BAZ2B: variants seen among roughly 807,000 people sequenced by gnomAD.
BAZ2B encodes bromodomain adjacent to zinc finger domain 2B.
In BAZ2B, 91 loss-of-function variants were observed where a neutral mutation model predicts 246.0. The observed-to-expected ratio is 0.37, with a 90% CI of 0.31 to 0.44. BAZ2B has a LOEUF of 0.44. Among genes scored for constraint, BAZ2B ranks in the 20% least tolerant of loss-of-function variants. BAZ2B has a pLI of 1.00. For missense variants in BAZ2B, 2,332 were observed against 2,533.7 expected, an observed-to-expected ratio of 0.92 and a Z score of 1.71; for synonymous variants, 855 against 860.0, an observed-to-expected ratio of 0.99 and a Z score of 0.10.
chr2:159,372,519 A>G (rs2060961457), intron 27 of BAZ2B, among the ~76,000 whole-genome samples: 2 of 152,224 alleles, frequency 1.3e-5, no homozygotes. Context: ...AAAGAAATCT[A>G]AAGGTAGAAT....
rs188125017 is a variant in BAZ2B, at chr2:159,588,955, G to A, written c.-46+27287C>T. On this transcript the variant is annotated intron_variant, in intron 1 of 36. Coordinates refer to ENST00000392783, the MANE Select transcript of BAZ2B (RefSeq NM_013450.4). ...TAAGCAAAAAGACTAAAGGCAGGCT[G>A]AAGCAGTAAGGACGAGAAAGAAAAT... 3.9e-3 allele frequency among the ~76,000 whole-genome samples: 590 copies of A among 152,258 alleles called. 1 individual carries two copies. Among genetic ancestry groups the A allele is most frequent in the African/African-American group, 0.014 (562 of 41,516 alleles).
chr2:159,670,063 C>A, the BAZ2B span, among the ~76,000 whole-genome samples: 1 of 151,954 alleles, frequency 6.6e-6, no homozygotes, highest in Non-Finnish European at 1.5e-5. Flanking sequence ...CTCCGCCTCC[C>A]GGGTTCAAGT....
chr2:159,438,660 A>G lies in BAZ2B; in HGVS notation c.936T>C (p.Asp312=), dbSNP rs2072848641. The G allele has an allele frequency of 6.2e-7, 1 of 1,611,638 alleles. No individual in the cohort carries two copies. The highest frequency in any genetic ancestry group is 8.5e-7 in the Non-Finnish European group (1 of 1,179,490). Residue 312 remains aspartate (D), a synonymous_variant, in exon 8 of 37, where the codon GAT becomes GAC. Coordinates refer to ENST00000392783, the MANE Select transcript of BAZ2B (RefSeq NM_013450.4). Reference sequence around the variant, plus strand: ...GGGCTTTTTCAGTTGCTTTCTGTCCATCTGCTTTTGGGTCTGAAATACCAT... The same window carrying G: ...GGGCTTTTTCAGTTGCTTTCTGTCCGTCTGCTTTTGGGTCTGAAATACCAT... ...LLHGISDPKA[D]GQKATEKAQE... is the part of the protein sequence containing the mutation.
chr2:159,342,155 A>C (rs1314151291), intron 31 of BAZ2B, among the ~76,000 whole-genome samples: 3 of 152,204 alleles, frequency 2.0e-5, no homozygotes, highest in African/African-American at 7.2e-5. Context: ...ATTGCATCAC[A>C]CTGCTCAAAG....
intron 13 of BAZ2B, among the ~76,000 whole-genome samples, chr2:159,418,275 C>A (rs922868271): frequency 2.4e-4 from 36 of 152,222 alleles, no homozygotes; most frequent in African/African-American, 8.4e-4. Flanking sequence ...TTCAGAAATT[C>A]AAAAGAGATC....
intron 2 of BAZ2B, among the ~76,000 whole-genome samples, chr2:159,478,978 C>G (rs539769965): frequency 6.6e-6 from 1 of 152,154 alleles, no homozygotes; most frequent in South Asian, 2.1e-4. Context: ...AGTAATTTCA[C>G]ACAAAATGTG....
chr2:159,627,410 A>C, the BAZ2B span, among the ~76,000 whole-genome samples: 1 of 152,260 alleles, frequency 6.6e-6, no homozygotes, highest in Non-Finnish European at 1.5e-5. Context: ...ATCAATGTGA[A>C]AATTCTCAAT....
chr2:159,637,811 C>T, the BAZ2B span, among the ~76,000 whole-genome samples: 2 of 152,218 alleles, frequency 1.3e-5, no homozygotes, highest in African/African-American at 2.4e-5. Context: ...ATCCATCTAC[C>T]TCAGCCTCCC....
rs755641948 is a variant in BAZ2B at position 159,438,478 on chromosome 2, C to G, written c.1118G>C (p.Ser373Thr). Residue 373 changes from serine (S) to threonine (T), a missense_variant, in exon 8 of 37, where the codon AGT becomes ACT. Physicochemically the swap from Ser to Thr is moderately conservative, Grantham distance 58. Around this residue, in one of 9 missense-constraint regions of BAZ2B, gnomAD observed 161 missense variants for 225.8 expected, o/e 0.71. Coordinates refer to ENST00000392783, the MANE Select transcript of BAZ2B (RefSeq NM_013450.4). Reference sequence around the variant, plus strand: ...CACCAATCCCGTAGACTGTATTACACTGGTGTGTTTGTTCACAGATTCCTC... The same window carrying G: ...CACCAATCCCGTAGACTGTATTACAGTGGTGTGTTTGTTCACAGATTCCTC... ...AKEESVNKHT[S>T]VIQSTGLVSN... is the part of the protein sequence containing the mutation. 6.2e-7 allele frequency: 1 copy of G among 1,614,066 alleles called. No homozygotes were observed. Among genetic ancestry groups the G allele is most frequent in the Non-Finnish European group, 8.5e-7 (1 of 1,180,032 alleles).
chr2:159,700,774 TC>T, the BAZ2B span, among the ~76,000 whole-genome samples: 18 of 152,172 alleles, frequency 1.2e-4, no homozygotes, highest in Non-Finnish European at 2.2e-4. Flanking sequence ...TGTTTTTTTT[TC>T]CTTGAATATT....
At chr2:159,404,497 A>G (rs1559288449) in intron 16 of BAZ2B, 1 of 168,518 alleles carries the variant, frequency 5.9e-6, no homozygotes, top group Non-Finnish European at 1.3e-5. Context: ...ATGTTTAAGA[A>G]AAACAAGCTT....
chr2:159,427,893 T>C (rs761732345), intron 13 of BAZ2B, 48 bp downstream of exon 13: 2 of 1,433,378 alleles, frequency 1.4e-6, no homozygotes, highest in Non-Finnish European at 2.0e-6. Flanking sequence ...ATTTAGGTTA[T>C]GGTACTACTT....
intron 1 of BAZ2B, among the ~76,000 whole-genome samples, chr2:159,596,374 A>T (rs370705134): frequency 3.3e-5 from 5 of 152,350 alleles, no homozygotes; most frequent in African/African-American, 4.8e-5. Flanking sequence ...GACACCACAG[A>T]TCCTGTTAGA....
intron 2 of BAZ2B, among the ~76,000 whole-genome samples, chr2:159,487,795 A>C (rs2080003302): frequency 6.6e-6 from 1 of 150,950 alleles, no homozygotes; most frequent in South Asian, 2.1e-4. Flanking sequence ...AAAAAAAAAA[A>C]GAATTTAAAA....
chr2:159,594,654 T>C (rs1013816994), intron 1 of BAZ2B, among the ~76,000 whole-genome samples: 2 of 151,666 alleles, frequency 1.3e-5, no homozygotes, highest in Non-Finnish European at 2.9e-5. Flanking sequence ...TTTCTTGACA[T>C]GTAATCTTGT....
At chr2:159,637,390 T>C in the BAZ2B span, among the ~76,000 whole-genome samples, 1 of 152,158 alleles carries the variant, frequency 6.6e-6, no homozygotes, top group Non-Finnish European at 1.5e-5. Context: ...GGGCTTGAAC[T>C]GAACATCAGC....
intron 16 of BAZ2B, 151 bp from the exon 17 acceptor site, chr2:159,400,815 C>T (rs976446213): frequency 4.1e-5 from 19 of 463,322 alleles, no homozygotes; most frequent in East Asian, 1.3e-4. Flanking sequence ...CCAAGGTGGG[C>T]GGATCACAAG....
chr2:159,633,166 T>A, the BAZ2B span, among the ~76,000 whole-genome samples: 1 of 151,752 alleles, frequency 6.6e-6, no homozygotes, highest in Admixed American at 6.6e-5. Context: ...TTTTTTTTTT[T>A]TAGACAAGGT....
chr2:159,589,195 A>C (rs927141029), intron 1 of BAZ2B, among the ~76,000 whole-genome samples: 1 of 152,196 alleles, frequency 6.6e-6, no homozygotes, highest in Middle Eastern at 3.2e-3. Context: ...TTTTATGGCA[A>C]GCTACCTGGC....
Sources: gnomAD v4.1 joint callset for allele counts (sites outside exome capture counted in the v4.1 genomes callset) on GRCh38, gnomAD v4.1.1 for gene constraint, gnomAD v4.1.1 regional missense constraint, MANE v1.5 for transcripts, NCBI Gene and HGNC (gene_info 2026-07-23, HGNC 2026-07-21) for gene names.